Variants in ITGB4 observed in about 807,000 individuals in gnomAD.
ITGB4 encodes integrin beta-4.
A neutral mutation model predicts 207.6 loss-of-function variants in ITGB4; 159 were observed. The ratio of observed to expected loss-of-function variants is 0.77; its 90% CI spans 0.67 to 0.87. The LOEUF (loss-of-function observed/expected upper bound fraction) is 0.87, where lower values mean the gene tolerates loss of function less well. Ranked by LOEUF, ITGB4 falls within the 40% of genes least tolerant of loss-of-function variation. The pLI, the probability that ITGB4 is intolerant of heterozygous loss-of-function variation, is 0.00. For synonymous variants in ITGB4, 1,020 were observed against 1,062.7 expected, an observed-to-expected ratio of 0.96 and a Z score of 0.78; for missense variants, 2,278 against 2,546.8, an observed-to-expected ratio of 0.89 and a Z score of 2.27.
chr17:75,732,981 G>C lies in ITGB4; in HGVS notation c.1455-509G>C, dbSNP rs374572978. On this transcript the variant is annotated intron_variant, in intron 12 of 39. Coordinates refer to ENST00000200181, the MANE Select transcript of ITGB4 (RefSeq NM_000213.5). This position sits in a 1 kb window ranked among gnomAD's most constrained non-coding sequence, Gnocchi z 5.3. ...TGCATGCCTGTAATCCCAGCTACTC[G>C]GGAGGCTGAGGCAGAATTGCTTGCA... 6.6e-6 allele frequency among the ~76,000 whole-genome samples: 1 copy of C among 152,026 alleles called. No homozygotes were observed. The highest frequency in any genetic ancestry group is 1.5e-5 in the Non-Finnish European group (1 of 68,004).
At chr17:75,723,974 C>T (rs1194192882) in intron 1 of ITGB4, among the ~76,000 whole-genome samples, 2 of 152,240 alleles carry the variant, frequency 1.3e-5, no homozygotes. Context: ...CCCACAGCCG[C>T]TGGGGACGCC....
At chr17:75,735,503 C>T (rs1379229409) in intron 13 of ITGB4, among the ~76,000 whole-genome samples, 1 of 150,526 alleles carries the variant, frequency 6.6e-6, no homozygotes, top group Non-Finnish European at 1.5e-5. Flanking sequence ...ACCTCTACCT[C>T]CCGGGTTCAA....
intron 2 of ITGB4, among the ~76,000 whole-genome samples, chr17:75,725,884 G>A (rs774075462): frequency 4.6e-5 from 7 of 152,344 alleles, no homozygotes; most frequent in Middle Eastern, 3.4e-3. Flanking sequence ...CAGTGGTCTC[G>A]CCGTGAGGCA....
intron 27 of ITGB4, 40 bp downstream of exon 27, chr17:75,749,085 G>A (rs769271916): frequency 1.3e-6 from 2 of 1,517,352 alleles, no homozygotes; most frequent in Admixed American, 1.7e-5. Context: ...AGGAGGAGAG[G>A]GAAGACTGGG....
Position 75,757,506 on chromosome 17 carries a change from C to T in ITGB4, c.5420C>T (p.Thr1807Ile). 1 of 1,613,294 alleles carries T rather than the reference C, an allele frequency of 6.2e-7. No homozygotes were observed. The highest frequency in any genetic ancestry group is 1.1e-5 in the South Asian group (1 of 91,074). ...GAGTTTGTGAGCCGGACACTGACCACCAGCGGAACCCTTAGCACCCACATG... is the reference window on the plus strand; with the variant it reads ...GAGTTTGTGAGCCGGACACTGACCATCAGCGGAACCCTTAGCACCCACATG... ...TQEFVSRTLT[T>I]SGTLSTHMDQ... is the part of the protein sequence containing the mutation. Residue 1807 changes from threonine to isoleucine, a missense_variant, in exon 40 of 40, where the codon ACC becomes ATC. Thr to Ile is a moderately conservative substitution (Grantham distance 89). Coordinates refer to ENST00000200181, the MANE Select transcript of ITGB4 (RefSeq NM_000213.5).
At position 75,755,797 on chromosome 17, in the gene ITGB4, G is replaced by T; in HGVS notation, c.4655G>T (p.Arg1552Leu). 1.9e-6 allele frequency: 3 copies of T among 1,610,950 alleles called. No homozygotes were observed. Among genetic ancestry groups the T allele is most frequent in the African/African-American group, 1.3e-5 (1 of 75,034 alleles). ...CTCAGAGTGAGCTGGCAGGAGCCGCGGTGCGAGCGGCCGCTGCAGGGCTAC... is the reference window on the plus strand; with the variant it reads ...CTCAGAGTGAGCTGGCAGGAGCCGCTGTGCGAGCGGCCGCTGCAGGGCTAC... ...TSLRVSWQEP[R>L]CERPLQGYSV... Residue 1552 changes from arginine (R) to leucine (L), a missense_variant, in exon 35 of 40, where the codon CGG (arginine) becomes CTG (leucine). By Grantham distance (102) the Arg-to-Leu change is moderately radical. Coordinates refer to ENST00000200181, the MANE Select transcript of ITGB4 (RefSeq NM_000213.5).
chr17:75,740,238 G>C lies in ITGB4; in HGVS notation c.2447-120G>C. On this transcript the variant is annotated intron_variant, in intron 20 of 39. Coordinates refer to ENST00000200181, the MANE Select transcript of ITGB4 (RefSeq NM_000213.5). The surrounding 1 kb of genome is among the most constrained non-coding windows in gnomAD (Gnocchi z 5.9). Reference sequence around the variant, plus strand: ...CTATGAACCTCATGCCTCGGTGTGCGTGGCCTGCTGGCCAGGCATCCCCTG... The same window carrying C: ...CTATGAACCTCATGCCTCGGTGTGCCTGGCCTGCTGGCCAGGCATCCCCTG... The C allele has an allele frequency of 1.6e-6, 2 of 1,215,124 alleles. No homozygotes were observed. The highest frequency in any genetic ancestry group is 2.4e-6 in the Non-Finnish European group (2 of 848,608). 75.3% of individuals were successfully genotyped at this position (1,215,124 alleles called of 1,614,324 possible). A position where few individuals can be genotyped will look rare whatever the true frequency, so the allele number is the denominator to read the frequency against.
At chr17:75,730,748 G>C in intron 8 of ITGB4, 127 bp from the exon 9 acceptor site, 3 of 1,059,420 alleles carry the variant, frequency 2.8e-6, no homozygotes, top group Admixed American at 1.7e-5. Context: ...GGGGCTAAGA[G>C]GGCAGGCTCT....
intron 7 of ITGB4, 130 bp from the exon 8 acceptor site, chr17:75,730,111 C>T (rs2148473781): frequency 8.5e-7 from 1 of 1,181,194 alleles, no homozygotes; most frequent in Admixed American, 1.8e-5. Flanking sequence ...TTCATGAGGG[C>T]ACTTGCTGTG....
In ITGB4 at chr17:75,727,462, G is replaced by A. The variant is rs1233389477; in HGVS notation, c.221G>A (p.Arg74Gln). Residue 74 changes from arginine to glutamine, a missense_variant, in exon 4 of 40, where the codon CGG (arginine) becomes CAG (glutamine). Transcript: ENST00000200181. This position sits in a 1 kb window ranked among gnomAD's most constrained non-coding sequence, Gnocchi z 6.0. The stretch of plus-strand genomic sequence containing the variant: ...GAGCTGCTGGCCGCGGGCTGCCAGC[G>A]GGAGAGCATCGTGGTCATGGAGAGC... ...QAELLAAGCQ[R>Q]ESIVVMESSF... 21 of 1,613,832 alleles carry A rather than the reference G, an allele frequency of 1.3e-5. No homozygotes were observed. Among genetic ancestry groups the A allele is most frequent in the Non-Finnish European group, 1.5e-5 (18 of 1,180,026 alleles).
At position 75,740,187 on chromosome 17, in the gene ITGB4, C is replaced by T; in HGVS notation, c.2446+116C>T. ...TGTGGGGTGCAGGCACAGGGCTCAG[C>T]CACCTTTTGCCCTGTGCTGATGGTG... On this transcript the variant is annotated intron_variant, in intron 20 of 39. Coordinates refer to ENST00000200181, the MANE Select transcript of ITGB4 (RefSeq NM_000213.5). This position sits in a 1 kb window ranked among gnomAD's most constrained non-coding sequence, Gnocchi z 5.9. 2 of 1,272,304 alleles carry T rather than the reference C, an allele frequency of 1.6e-6. No individual in the cohort carries two copies. Among genetic ancestry groups the T allele is most frequent in the Non-Finnish European group, 2.2e-6 (2 of 914,210 alleles). 78.8% of individuals were successfully genotyped at this position (1,272,304 alleles called of 1,614,324 possible).
In ITGB4 at chr17:75,752,587, G is replaced by T; in HGVS notation, c.4108+10G>T. On this transcript the variant is annotated intron_variant, in intron 32 of 39. Coordinates refer to ENST00000200181, the MANE Select transcript of ITGB4 (RefSeq NM_000213.5). The stretch of plus-strand genomic sequence containing the variant: ...GTCTCCGATGACACTGGTGAGTGGA[G>T]ACCTGGGACCCACAAGAGGACAGTG... The T allele has an allele frequency of 6.2e-7, 1 of 1,613,356 alleles. No individual in the cohort carries two copies. Among genetic ancestry groups the T allele is most frequent in the South Asian group, 1.1e-5 (1 of 91,056 alleles).
At position 75,743,709 on chromosome 17, in the gene ITGB4, G is replaced by C. The variant is rs769601256; in HGVS notation, c.2963-4G>C. On this transcript the variant is annotated splice_region_variant and splice_polypyrimidine_tract_variant and intron_variant, in intron 25 of 39. Coordinates refer to ENST00000200181, the MANE Select transcript of ITGB4 (RefSeq NM_000213.5). ...ACTCTGACAAATGCCCGGGCTCCTT[G>C]CAGCCAGAGACGTGGTGTCCTTTGA... 70 of 1,613,420 alleles carry C rather than the reference G, an allele frequency of 4.3e-5. No homozygotes were observed. Among genetic ancestry groups the C allele is most frequent in the Middle Eastern group, 1.6e-4 (1 of 6,084 alleles).
intron 26 of ITGB4, 67 bp downstream of exon 26, chr17:75,743,928 A>C: frequency 6.6e-7 from 1 of 1,504,054 alleles, no homozygotes. Context: ...TTGGGTTCCC[A>C]AGACAAAGCA....
Position 75,728,244 on chromosome 17 carries a change from C to T in ITGB4, c.470-133C>T, listed in dbSNP as rs138608356. The T allele has an allele frequency of 1.0e-4, 74 of 738,752 alleles. No homozygotes were observed. In the East Asian group the frequency reaches 1.8e-3, roughly 18 times the overall value. 45.8% of individuals were successfully genotyped at this position (738,752 alleles called of 1,614,324 possible). ...AAATAGGAACAGACAATGTTGTGAG[C>T]ATGAACCTTTGTCCAGCATGCAAAG... On this transcript the variant is annotated intron_variant, in intron 5 of 39. Coordinates refer to ENST00000200181, the MANE Select transcript of ITGB4 (RefSeq NM_000213.5).
Position 75,730,596 on chromosome 17 carries a change from C to T in ITGB4, c.1002+92C>T, listed in dbSNP as rs182488385. On this transcript the variant is annotated intron_variant, in intron 8 of 39. Coordinates refer to ENST00000200181, the MANE Select transcript of ITGB4 (RefSeq NM_000213.5). ...CCTCTCCCTCCCTCCCTCCCTCCCT[C>T]CCTCCCTTCCTCCCTTCCTCCCTCC... The T allele has an allele frequency of 2.9e-4, 340 of 1,153,208 alleles. 2 individuals are homozygous for T. The East Asian group carries it at 7.7e-3, about 26-fold the overall frequency. The allele number at this position is 1,153,208 out of a possible 1,614,324, so 71.4% of individuals were successfully genotyped here.
In ITGB4 at chr17:75,748,930, T is replaced by C. The variant is rs2061298608; in HGVS notation, c.3201T>C (p.Val1067=). 3 of 1,613,122 alleles carry C rather than the reference T, an allele frequency of 1.9e-6. No individual in the cohort carries two copies. The highest frequency in any genetic ancestry group is 3.3e-5 in the Admixed American group (2 of 59,950). ...TGAAGCTCCTGGAGCTGCAAGAAGTTGACTCCCTCCTGCGGGGCCGCCAGG... is the reference window on the plus strand; with the variant it reads ...TGAAGCTCCTGGAGCTGCAAGAAGTCGACTCCCTCCTGCGGGGCCGCCAGG... ...LQVKLLELQE[V]DSLLRGRQVR... Residue 1067 remains valine (V), a synonymous_variant, in exon 27 of 40, where the codon GTT becomes GTC. Transcript: ENST00000200181.
rs761700532 is a variant in ITGB4 at position 75,750,292 on chromosome 17, C to T, written c.3474+24C>T. 10 of 1,590,918 alleles carry T rather than the reference C, an allele frequency of 6.3e-6. No homozygotes were observed. Among genetic ancestry groups the T allele is most frequent in the African/African-American group, 1.3e-5 (1 of 74,476 alleles). ...GGGTAAGGCGGGGGGCTGAGGGTCA[C>T]GACAGGTGGATGGGCGGTCTGGCAC... is the stretch of plus-strand genomic sequence containing the variant. On this transcript the variant is annotated intron_variant, in intron 28 of 39. Coordinates refer to ENST00000200181, the MANE Select transcript of ITGB4 (RefSeq NM_000213.5). This position sits in a 1 kb window ranked among gnomAD's most constrained non-coding sequence, Gnocchi z 5.5.
chr17:75,757,290 C>A lies in ITGB4; in HGVS notation c.5309C>A (p.Ala1770Asp), dbSNP rs1023805043. 6.2e-7 allele frequency: 1 copy of A among 1,612,000 alleles called. No homozygotes were observed. Among genetic ancestry groups the A allele is most frequent in the African/African-American group, 1.3e-5 (1 of 74,904 alleles). ...AGCATCACCACCACCCACACCAGCG[C>A]CACCGAGCCCTTCCTAGTGGGTGAG... ...YSSITTTHTSATEPFLVDGLT... is the reference protein window; with the variant it reads ...YSSITTTHTSDTEPFLVDGLT... The change falls in exon 39 of 40, where the codon GCC becomes GAC. Residue 1770 changes from alanine to aspartate, a missense_variant. Coordinates refer to ENST00000200181, the MANE Select transcript of ITGB4 (RefSeq NM_000213.5).
Sources: gnomAD v4.1 joint callset for allele counts (sites outside exome capture counted in the v4.1 genomes callset) on GRCh38, gnomAD v4.1.1 for gene constraint, Gnocchi (gnomAD v3.1) non-coding constraint, MANE v1.5 for transcripts, NCBI Gene and HGNC (gene_info 2026-07-23, HGNC 2026-07-21) for gene names.